Variants in PDE4D observed in about 807,000 individuals in gnomAD.
PDE4D encodes 3',5'-cyclic-AMP phosphodiesterase 4D.
In PDE4D, 24 loss-of-function variants were observed where a neutral mutation model predicts 87.4. The ratio of observed to expected loss-of-function variants is 0.27; its 90% CI spans 0.20 to 0.39. PDE4D has a LOEUF of 0.39. Ranked by LOEUF, PDE4D falls within the 10% of genes least tolerant of loss-of-function variation. PDE4D has a pLI of 1.00. For synonymous variants in PDE4D, 384 were observed against 383.2 expected (o/e 1.00, Z -0.02); for missense variants, 714 against 1,041.0 (o/e 0.69, Z 4.32).
intron 1 of PDE4D, among the ~76,000 whole-genome samples, chr5:59,563,663 A>G (rs1329244351): frequency 6.6e-6 from 1 of 152,236 alleles, no homozygotes; most frequent in Non-Finnish European, 1.5e-5. Context: ...AAAAGTGAAG[A>G]CATCAGCCCT....
intron 1 of PDE4D, chr5:60,429,954 G>C (rs140949903): frequency 1.9e-6 from 1 of 514,480 alleles, no homozygotes; most frequent in Non-Finnish European, 3.9e-6. Flanking sequence ...TAACAGGTAC[G>C]TAGGCAACCA....
intron 1 of PDE4D, among the ~76,000 whole-genome samples, chr5:59,248,261 C>T (rs2153527707): frequency 6.6e-6 from 1 of 150,590 alleles, no homozygotes; most frequent in African/African-American, 2.4e-5. Context: ...CTAGGAATTA[C>T]CTGTTCTGAG....
intron 1 of PDE4D, among the ~76,000 whole-genome samples, chr5:59,271,969 C>A (rs1028024343): frequency 6.6e-6 from 1 of 151,530 alleles, no homozygotes; most frequent in Non-Finnish European, 1.5e-5. Flanking sequence ...CAGAGTCTTC[C>A]AGAATTTTTT....
At chr5:59,411,847 A>C (rs562928015) in intron 1 of PDE4D, among the ~76,000 whole-genome samples, 6 of 152,346 alleles carry the variant, frequency 3.9e-5, no homozygotes, top group Admixed American at 2.0e-4. Context: ...ACTACGCCAA[A>C]TGTATTGCAA....
intron 1 of PDE4D, among the ~76,000 whole-genome samples, chr5:59,501,548 A>G (rs1808283855): frequency 6.6e-6 from 1 of 152,206 alleles, no homozygotes; most frequent in African/African-American, 2.4e-5. Context: ...AAATGAGGAA[A>G]TGCATCCAGA....
chr5:60,154,239 A>C (rs1362974755), intron 2 of PDE4D, among the ~76,000 whole-genome samples: 1 of 151,914 alleles, frequency 6.6e-6, no homozygotes, highest in Non-Finnish European at 1.5e-5. Context: ...CAATACCAGG[A>C]TTTGGTAAGT....
At chr5:60,190,876 G>A (rs904723526) in intron 1 of PDE4D, among the ~76,000 whole-genome samples, 11 of 152,146 alleles carry the variant, frequency 7.2e-5, no homozygotes, top group African/African-American at 2.7e-4. Flanking sequence ...CCAGAGTGAT[G>A]TGTTTCAACT....
intron 1 of PDE4D, among the ~76,000 whole-genome samples, chr5:59,887,735 G>A (rs1171413501): frequency 6.6e-6 from 1 of 151,888 alleles, no homozygotes; most frequent in African/African-American, 2.4e-5. Flanking sequence ...GTGTGTGTGT[G>A]TGTTTGTGTG....
At chr5:59,349,237 T>C (rs1313508560) in intron 1 of PDE4D, among the ~76,000 whole-genome samples, 1 of 152,120 alleles carries the variant, frequency 6.6e-6, no homozygotes. Context: ...CAGACCCTTG[T>C]TGAAATTAAA....
intron 1 of PDE4D, among the ~76,000 whole-genome samples, chr5:59,404,077 T>C (rs1791173961): frequency 1.3e-5 from 2 of 152,250 alleles, no homozygotes; most frequent in Non-Finnish European, 2.9e-5. Context: ...CCTTTTCATA[T>C]GACTGTTTGC....
At chr5:60,418,873 CTTAT>C (rs2150083113) in intron 1 of PDE4D, among the ~76,000 whole-genome samples, 2 of 152,050 alleles carry the variant, frequency 1.3e-5, no homozygotes, top group Admixed American at 1.3e-4. Flanking sequence ...CCTTAGCCCC[CTTAT>C]TTGTTATAAC....
chr5:59,243,410 T>A (rs13358942), intron 1 of PDE4D, among the ~76,000 whole-genome samples: 5 of 147,348 alleles, frequency 3.4e-5, no homozygotes, highest in South Asian at 2.1e-4. Context: ...TTCCCTTTTT[T>A]AAAAAAGAGA....
chr5:59,121,493 G>A (rs1324095217), intron 5 of PDE4D, among the ~76,000 whole-genome samples: 1 of 151,866 alleles, frequency 6.6e-6, no homozygotes, highest in Non-Finnish European at 1.5e-5. Context: ...ATACCACAAT[G>A]AGATATCATC....
At chr5:60,452,887 G>A (rs1380084207) in intron 1 of PDE4D, among the ~76,000 whole-genome samples, 1 of 152,072 alleles carries the variant, frequency 6.6e-6, no homozygotes, top group African/African-American at 2.4e-5. Flanking sequence ...AATGTGGCCA[G>A]ATTTCTCCAG....
chr5:59,527,119 T>C (rs945677082), intron 1 of PDE4D, among the ~76,000 whole-genome samples: 5 of 152,224 alleles, frequency 3.3e-5, no homozygotes, highest in Non-Finnish European at 7.3e-5. Flanking sequence ...TCTGCAATCC[T>C]ACTTACCCTG....
chr5:60,455,495 C>T (rs1169621248), intron 1 of PDE4D, among the ~76,000 whole-genome samples: 70 of 151,960 alleles, frequency 4.6e-4, no homozygotes, highest in Non-Finnish European at 8.8e-5. Context: ...ATAAAATAAG[C>T]CCATGTAAAA....
At chr5:60,466,969 C>T (rs1747402906) in intron 1 of PDE4D, among the ~76,000 whole-genome samples, 1 of 151,566 alleles carries the variant, frequency 6.6e-6, no homozygotes, top group Non-Finnish European at 1.5e-5. Context: ...AATCAATCAC[C>T]TACTAGCATC....
At chr5:59,067,519 G>A (rs747179186) in intron 5 of PDE4D, among the ~76,000 whole-genome samples, 4 of 152,056 alleles carry the variant, frequency 2.6e-5, no homozygotes, top group Non-Finnish European at 5.9e-5. Context: ...CTATATGATG[G>A]CATTTAAATA....
At chr5:60,447,804 T>C (rs927389295) in intron 1 of PDE4D, among the ~76,000 whole-genome samples, 3 of 152,176 alleles carry the variant, frequency 2.0e-5, no homozygotes, top group Admixed American at 6.5e-5. Flanking sequence ...AGTCCCTTCA[T>C]CGGCAGCGAG....
Sources: allele counts gnomAD v4.1 joint callset (sites outside exome capture counted in the v4.1 genomes callset), GRCh38; gene constraint gnomAD v4.1.1; transcripts MANE v1.5; gene names NCBI Gene and HGNC (gene_info 2026-07-23, HGNC 2026-07-21).